Variants in TTBK2 observed in about 807,000 individuals in gnomAD.
TTBK2 encodes the protein tau-tubulin kinase 2.
In TTBK2, 28 loss-of-function variants were observed where a neutral mutation model predicts 110.8. That is an observed-to-expected ratio of 0.25 (90% CI 0.19 to 0.35). The LOEUF (loss-of-function observed/expected upper bound fraction) is 0.35. Among genes scored for constraint, TTBK2 ranks in the 10% least tolerant of loss-of-function variants. The pLI, the probability that TTBK2 is intolerant of heterozygous loss-of-function variation, is 1.00. For missense variants in TTBK2, 1,369 were observed against 1,500.3 expected (o/e 0.91, Z 1.45); for synonymous variants, 532 against 527.3 (o/e 1.01, Z -0.12).
intron 13 of TTBK2, among the ~76,000 whole-genome samples, chr15:42,769,586 G>A (rs1004070664): frequency 1.4e-4 from 22 of 152,240 alleles, no homozygotes; most frequent in African/African-American, 2.2e-4. Flanking sequence ...TTAGAATGGC[G>A]ATCATTAAAA....
intron 1 of TTBK2, among the ~76,000 whole-genome samples, chr15:42,901,088 C>T (rs779328014): frequency 3.3e-5 from 5 of 152,156 alleles, no homozygotes; most frequent in Non-Finnish European, 5.9e-5. Context: ...AGGCCGGGCA[C>T]AGTGGCTCAC....
chr15:42,758,610 G>A (rs1490466654), intron 13 of TTBK2, among the ~76,000 whole-genome samples: 2 of 141,130 alleles, frequency 1.4e-5, no homozygotes, highest in Non-Finnish European at 3.0e-5. Flanking sequence ...AGCCGAGATC[G>A]CACCATTGCA....
At chr15:42,868,222 G>A (rs1894461658) in intron 3 of TTBK2, among the ~76,000 whole-genome samples, 1 of 152,148 alleles carries the variant, frequency 6.6e-6, no homozygotes, top group Non-Finnish European at 1.5e-5. Flanking sequence ...ACTTAAATGG[G>A]TTTATCAGGA....
At chr15:42,854,682 T>C (rs2141060235) in intron 3 of TTBK2, among the ~76,000 whole-genome samples, 1 of 151,008 alleles carries the variant, frequency 6.6e-6, no homozygotes, top group Non-Finnish European at 1.5e-5. Context: ...TTAAACCAAA[T>C]GAAAATTTCC....
intron 4 of TTBK2, among the ~76,000 whole-genome samples, chr15:42,838,809 C>G (rs1893101315): frequency 6.6e-6 from 1 of 150,942 alleles, no homozygotes; most frequent in Non-Finnish European, 1.5e-5. Context: ...GACCAAGACT[C>G]CATCTCAAAA....
intron 6 of TTBK2, among the ~76,000 whole-genome samples, 196 bp from the exon 7 acceptor site, chr15:42,817,293 C>A (rs1330838227): frequency 1.3e-5 from 2 of 151,134 alleles, no homozygotes; most frequent in Admixed American, 1.3e-4. Context: ...AAAAAAAAAA[C>A]TGATAAAATT....
At chr15:42,835,937 T>A (rs576986798) in intron 4 of TTBK2, among the ~76,000 whole-genome samples, 14 of 152,304 alleles carry the variant, frequency 9.2e-5, no homozygotes, top group African/African-American at 2.9e-4. Context: ...TGTTTAATTT[T>A]TCCCATAATA....
chr15:42,869,878 T>C (rs1278559058), intron 3 of TTBK2, among the ~76,000 whole-genome samples: 1 of 152,102 alleles, frequency 6.6e-6, no homozygotes, highest in East Asian at 1.9e-4. Flanking sequence ...AAAAACCAAG[T>C]AAAATTCAAG....
intron 2 of TTBK2, among the ~76,000 whole-genome samples, chr15:42,873,532 A>G (rs1894696662): frequency 6.6e-6 from 1 of 152,316 alleles, no homozygotes; most frequent in South Asian, 2.1e-4. Context: ...CAGAGCAGGC[A>G]GAGAACTCTA....
intron 3 of TTBK2, among the ~76,000 whole-genome samples, chr15:42,871,158 C>T (rs764460420): frequency 3.3e-5 from 5 of 152,014 alleles, no homozygotes; most frequent in Non-Finnish European, 7.4e-5. Flanking sequence ...GACTACCTCA[C>T]TGAAATAGGG....
chr15:42,885,207 C>A (rs1200388211), intron 1 of TTBK2, among the ~76,000 whole-genome samples: 1 of 152,256 alleles, frequency 6.6e-6, no homozygotes, highest in East Asian at 1.9e-4. Context: ...AGACCTGGGT[C>A]AGCAGGACTC....
At position 42,739,101 on chromosome 15, in the gene TTBK2, T is replaced by TA. The variant is rs1179864558; in HGVS notation, c.*6693dup. ...CAAATGGGAAAATTAAATAAATAAT[T>TA]ACACTTTTATGTACAGGTGGCCTAT... On this transcript the variant is annotated 3_prime_UTR_variant, in exon 15 of 15. Coordinates refer to ENST00000267890, the MANE Select transcript of TTBK2 (RefSeq NM_173500.4). The TA allele has an allele frequency of 1.3e-5, 2 of 152,190 alleles. No individual in the cohort carries two copies. Among genetic ancestry groups the TA allele is most frequent in the African/African-American group, 4.8e-5 (2 of 41,442 alleles). 9.4% of individuals were successfully genotyped at this position (152,190 alleles called of 1,614,324 possible).
intron 7 of TTBK2, among the ~76,000 whole-genome samples, chr15:42,816,085 A>AATAAATAAATAT (rs1397691949): frequency 4.4e-5 from 3 of 67,446 alleles, no homozygotes; most frequent in African/African-American, 2.3e-4. Context: ...TAAATAAATA[A>AATAAATAAATAT]ATATATATAT....
At chr15:42,916,315 T>C (rs977290083) in intron 1 of TTBK2, among the ~76,000 whole-genome samples, 1 of 152,166 alleles carries the variant, frequency 6.6e-6, no homozygotes, top group African/African-American at 2.4e-5. Context: ...GCCTTATTGG[T>C]CATTGAAAAA....
intron 9 of TTBK2, among the ~76,000 whole-genome samples, chr15:42,796,607 G>A (rs895917644): frequency 2.6e-5 from 4 of 152,200 alleles, no homozygotes; most frequent in Admixed American, 6.5e-5. Context: ...AGACTAAAGT[G>A]AAGAAACCAT....
In TTBK2 at chr15:42,763,139, CAT is replaced by C. The variant is rs1567008627; in HGVS notation, c.1999-9894_1999-9893del. Among the ~76,000 whole-genome samples the C allele has an allele frequency of 2.4e-3, 135 of 57,192 alleles. 2 individuals carry two copies. The highest frequency in any genetic ancestry group is 0.012 in the African/African-American group (130 of 10,546). The allele number at this position is 57,192 out of a possible 152,430, so 37.5% of individuals were successfully genotyped here. ...ATATACACATATATATACATATATA[CAT>C]ACATATATATATATACATATATATA... On this transcript the variant is annotated intron_variant, in intron 13 of 14. Coordinates refer to ENST00000267890, the MANE Select transcript of TTBK2 (RefSeq NM_173500.4).
chr15:42,815,523 T>A (rs1462838110), intron 7 of TTBK2, among the ~76,000 whole-genome samples: 3 of 151,976 alleles, frequency 2.0e-5, no homozygotes, highest in Non-Finnish European at 4.4e-5. Context: ...TGATAATCCA[T>A]AAAAATGCCC....
chr15:42,847,540 G>C (rs1356816452), intron 3 of TTBK2, among the ~76,000 whole-genome samples: 2 of 152,174 alleles, frequency 1.3e-5, no homozygotes, highest in Admixed American at 6.5e-5. Flanking sequence ...TCTTCTAAAA[G>C]TTACACAGCT....
chr15:42,810,779 T>C, intron 8 of TTBK2, 40 bp from the exon 9 acceptor site: 1 of 1,611,638 alleles, frequency 6.2e-7, no homozygotes, highest in Admixed American at 1.7e-5. Flanking sequence ...TCAATTTCTC[T>C]TGGTGGTTAG....
Sources: gnomAD v4.1 joint callset for allele counts (sites outside exome capture counted in the v4.1 genomes callset) on GRCh38, gnomAD v4.1.1 for gene constraint, MANE v1.5 for transcripts, NCBI Gene and HGNC (gene_info 2026-07-23, HGNC 2026-07-21) for gene names.